The following PTPRD variants were observed in gnomAD, a reference collection of about 807,000 sequenced individuals.
PTPRD encodes receptor-type tyrosine-protein phosphatase delta.
In PTPRD, 34 loss-of-function variants were observed where a neutral mutation model predicts 214.5. The ratio of observed to expected loss-of-function variants is 0.16; its 90% CI spans 0.12 to 0.21. PTPRD has a LOEUF of 0.21. Among genes scored for constraint, PTPRD ranks in the 10% least tolerant of loss-of-function variants. PTPRD has a pLI of 1.00. For missense variants in PTPRD, 2,545 were observed against 2,398.7 expected (o/e 1.06, Z -1.27); for synonymous variants, 1,128 against 845.7 (o/e 1.33, Z -5.79).
intron 10 of PTPRD, among the ~76,000 whole-genome samples, chr9:9,111,052 A>G (rs1174864502): frequency 1.3e-5 from 2 of 151,988 alleles, no homozygotes; most frequent in Non-Finnish European, 2.9e-5. Context: ...ATCCTCATGG[A>G]GCTGACAGTC....
chr9:9,059,835 TA>T (rs1449579233), intron 10 of PTPRD, among the ~76,000 whole-genome samples: 1 of 151,914 alleles, frequency 6.6e-6, no homozygotes, highest in Non-Finnish European at 1.5e-5. Flanking sequence ...ATGCACAAAA[TA>T]AATACATTAA....
intron 5 of PTPRD, among the ~76,000 whole-genome samples, chr9:9,776,300 C>G (rs1022703059): frequency 1.3e-5 from 2 of 152,162 alleles, no homozygotes; most frequent in African/African-American, 2.4e-5. Flanking sequence ...TTCATACCAT[C>G]CCCCTTTCCA....
At chr9:8,321,813 C>T (rs1307488464) in intron 44 of PTPRD, among the ~76,000 whole-genome samples, 1 of 151,748 alleles carries the variant, frequency 6.6e-6, no homozygotes, top group Admixed American at 6.6e-5. Context: ...TATGGGTATA[C>T]ACTGTTTTAT....
intron 36 of PTPRD, among the ~76,000 whole-genome samples, chr9:8,391,684 TA>T (rs1339373867): frequency 1.3e-4 from 20 of 152,244 alleles, no homozygotes; most frequent in Middle Eastern, 3.4e-3. Flanking sequence ...CAGCTGCCAA[TA>T]TACAGAAAAC....
chr9:9,790,436 A>G (rs2098959281), intron 5 of PTPRD, among the ~76,000 whole-genome samples: 1 of 152,186 alleles, frequency 6.6e-6, no homozygotes, highest in Non-Finnish European at 1.5e-5. Flanking sequence ...AACCTAACTA[A>G]GGCTTTGCTG....
chr9:10,233,941 A>G (rs1299974490), intron 3 of PTPRD, among the ~76,000 whole-genome samples: 1 of 151,858 alleles, frequency 6.6e-6, no homozygotes, highest in Non-Finnish European at 1.5e-5. Context: ...GCATTCTTCT[A>G]ATTTCCCTTT....
At chr9:9,140,109 C>A (rs2099857554) in intron 10 of PTPRD, among the ~76,000 whole-genome samples, 1 of 149,746 alleles carries the variant, frequency 6.7e-6, no homozygotes, top group African/African-American at 2.5e-5. Flanking sequence ...AAGAGTCTAA[C>A]ATTTCTGGAA....
intron 3 of PTPRD, among the ~76,000 whole-genome samples, chr9:10,112,542 A>G (rs990813028): frequency 2.6e-5 from 4 of 152,184 alleles, no homozygotes; most frequent in Non-Finnish European, 5.9e-5. Flanking sequence ...AGGTGCAGAC[A>G]TGCAACTGTT....
chr9:9,838,329 C>G (rs1343553212), intron 5 of PTPRD, among the ~76,000 whole-genome samples: 1 of 151,980 alleles, frequency 6.6e-6, no homozygotes, highest in African/African-American at 2.4e-5. Flanking sequence ...TTCTAGATCC[C>G]TGAGGAATCG....
At chr9:9,015,556 C>T (rs1280811082) in intron 11 of PTPRD, among the ~76,000 whole-genome samples, 1 of 152,176 alleles carries the variant, frequency 6.6e-6, no homozygotes. Flanking sequence ...CAGGGCTGCT[C>T]TGTCTATGGA....
chr9:8,571,549 A>G (rs1003088620), intron 14 of PTPRD, among the ~76,000 whole-genome samples: 8 of 152,138 alleles, frequency 5.3e-5, no homozygotes, highest in Non-Finnish European at 8.8e-5. Flanking sequence ...TCCAAAAATC[A>G]ATGGTTTTCT....
intron 9 of PTPRD, among the ~76,000 whole-genome samples, chr9:9,238,883 T>A (rs950054008): frequency 2.0e-5 from 3 of 152,184 alleles, no homozygotes; most frequent in African/African-American, 7.2e-5. Flanking sequence ...TTATTTTGAA[T>A]AAGCTTCTTA....
At chr9:9,353,171 G>A (rs1199598283) in intron 9 of PTPRD, among the ~76,000 whole-genome samples, 1 of 151,942 alleles carries the variant, frequency 6.6e-6, no homozygotes, top group Non-Finnish European at 1.5e-5. Flanking sequence ...CCTATTTCAT[G>A]TTGATATATT....
At chr9:9,741,668 A>G (rs2098404550) in intron 6 of PTPRD, among the ~76,000 whole-genome samples, 1 of 152,098 alleles carries the variant, frequency 6.6e-6, no homozygotes, top group Non-Finnish European at 1.5e-5. Context: ...GTGTATTCTC[A>G]TTGTTCAGTT....
At chr9:8,844,174 T>C (rs970483053) in intron 11 of PTPRD, among the ~76,000 whole-genome samples, 1 of 152,214 alleles carries the variant, frequency 6.6e-6, no homozygotes, top group Non-Finnish European at 1.5e-5. Flanking sequence ...ATCTACATTA[T>C]ACATAATACC....
chr9:9,712,801 G>T (rs1476633157), intron 7 of PTPRD, among the ~76,000 whole-genome samples: 1 of 152,072 alleles, frequency 6.6e-6, no homozygotes, highest in East Asian at 1.9e-4. Flanking sequence ...TGCCTTAAAA[G>T]TAGTTTATTA....
At chr9:10,192,256 G>A (rs554571819) in intron 3 of PTPRD, among the ~76,000 whole-genome samples, 19 of 151,986 alleles carry the variant, frequency 1.3e-4, no homozygotes, top group African/African-American at 4.3e-4. Context: ...CTGAATAAAC[G>A]GAGCTCACTT....
intron 37 of PTPRD, 32 bp downstream of exon 37, chr9:8,389,200 T>G (rs1189732190): frequency 6.4e-7 from 1 of 1,562,752 alleles, no homozygotes; most frequent in Non-Finnish European, 8.6e-7. Context: ...GGGAAAATTT[T>G]TAAAAGGAAA....
At chr9:8,910,975 C>T (rs1200532452) in intron 11 of PTPRD, among the ~76,000 whole-genome samples, 4 of 152,084 alleles carry the variant, frequency 2.6e-5, no homozygotes, top group African/African-American at 9.7e-5. Context: ...AGAGACATTC[C>T]ATATTCATCG....
Sources: allele counts gnomAD v4.1 joint callset (sites outside exome capture counted in the v4.1 genomes callset), GRCh38; gene constraint gnomAD v4.1.1; transcripts MANE v1.5; gene names NCBI Gene and HGNC (gene_info 2026-07-23, HGNC 2026-07-21).